The following CLNK variants were observed in gnomAD, a reference collection of about 807,000 sequenced individuals.
The protein encoded by CLNK is cytokine dependent hematopoietic cell linker.
A neutral mutation model predicts 68.6 loss-of-function variants in CLNK; 74 were observed. The ratio of observed to expected loss-of-function variants is 1.08; its 90% CI spans 0.89 to 1.31. The LOEUF (loss-of-function observed/expected upper bound fraction) is 1.31, where lower values mean the gene tolerates loss of function less well. CLNK is among the 50% of genes most tolerant of loss of function. CLNK has a pLI of 0.00. For missense variants in CLNK, 553 were observed against 515.3 expected (o/e 1.07, Z -0.71); for synonymous variants, 198 against 172.2 (o/e 1.15, Z -1.17).
At chr4:10,675,532 G>A (rs1724834730) in intron 1 of CLNK, among the ~76,000 whole-genome samples, 3 of 152,170 alleles carry the variant, frequency 2.0e-5, no homozygotes, top group Non-Finnish European at 4.4e-5. Context: ...AACTGAGCTT[G>A]CAAAGAGACA....
At chr4:10,703,906 A>C in the CLNK span, among the ~76,000 whole-genome samples, 2 of 152,318 alleles carry the variant, frequency 1.3e-5, no homozygotes, top group African/African-American at 2.4e-5. Flanking sequence ...TTGTTGACCA[A>C]AATGTCATGT....
At chr4:10,633,430 C>T (rs4697764) in intron 2 of CLNK, among the ~76,000 whole-genome samples, 48,663 of 152,108 alleles carry the variant, frequency 0.32, 8,832 homozygotes, top group African/African-American at 0.5. Context: ...ATTTATTGAA[C>T]GCTTACTCTG....
the CLNK span, among the ~76,000 whole-genome samples, chr4:10,713,396 T>C: frequency 6.6e-6 from 1 of 152,034 alleles, no homozygotes. Context: ...GGTGGATTAA[T>C]CTTAACTCCT....
chr4:10,543,941 A>G (rs1719129639), intron 8 of CLNK, among the ~76,000 whole-genome samples: 1 of 152,344 alleles, frequency 6.6e-6, no homozygotes, highest in African/African-American at 2.4e-5. Flanking sequence ...ATCTTTGACT[A>G]TTTCAAGGAA....
In CLNK at chr4:10,558,428, C is replaced by T. The variant is rs376833668; in HGVS notation, c.424G>A (p.Val142Ile). Residue 142 changes from valine to isoleucine, a missense_variant, in exon 8 of 19, where the codon GTC (valine) becomes ATC (isoleucine). Transcript: ENST00000226951. The part of the protein sequence containing the change: ...ERVDKPISKD[V>I]RSQNIKGDAS... ...TTACCTTTAATGTTTTGGCTTCTGACGTCCTTGGAAATGGGTTTGTCCACC... is the reference window on the plus strand; with the variant it reads ...TTACCTTTAATGTTTTGGCTTCTGATGTCCTTGGAAATGGGTTTGTCCACC... 1.5e-5 allele frequency: 25 copies of T among 1,613,732 alleles called. No individual in the cohort carries two copies. The African/African-American group carries it at 2.1e-4, about 14-fold the overall frequency.
chr4:10,621,734 C>G (rs1280202655), intron 2 of CLNK, among the ~76,000 whole-genome samples: 1 of 152,182 alleles, frequency 6.6e-6, no homozygotes, highest in East Asian at 1.9e-4. Flanking sequence ...AATTCACTTT[C>G]CAGGTGGGGT....
chr4:10,615,479 C>T (rs1267570512), intron 2 of CLNK, among the ~76,000 whole-genome samples: 9 of 151,276 alleles, frequency 5.9e-5, no homozygotes, highest in East Asian at 1.9e-4. Flanking sequence ...GTCGTGCCGC[C>T]GCACTCCAGC....
chr4:10,693,352 T>C, the CLNK span, among the ~76,000 whole-genome samples: 1 of 152,152 alleles, frequency 6.6e-6, no homozygotes, highest in Non-Finnish European at 1.5e-5. Context: ...GGGTAGTCCT[T>C]AGCCAAGATA....
At chr4:10,672,108 G>C (rs531311516) in intron 1 of CLNK, among the ~76,000 whole-genome samples, 1 of 152,294 alleles carries the variant, frequency 6.6e-6, no homozygotes, top group South Asian at 2.1e-4. Context: ...TAAAGTTCCT[G>C]CCTAACAATC....
chr4:10,610,223 A>T (rs1321210173), intron 2 of CLNK, among the ~76,000 whole-genome samples: 2 of 148,458 alleles, frequency 1.3e-5, no homozygotes, highest in African/African-American at 2.5e-5. Context: ...CGCCCGGCTA[A>T]TTTTTTGTAT....
chr4:10,525,360 C>T (rs576001101), intron 14 of CLNK, among the ~76,000 whole-genome samples: 15 of 152,200 alleles, frequency 9.9e-5, no homozygotes, highest in East Asian at 1.9e-4. Flanking sequence ...CCACCGCGCC[C>T]GGCCAAGCCT....
chr4:10,561,616 T>C (rs965736679), intron 7 of CLNK, among the ~76,000 whole-genome samples: 2 of 152,230 alleles, frequency 1.3e-5, no homozygotes, highest in African/African-American at 4.8e-5. Flanking sequence ...GAACTGTGTC[T>C]TCAGCCACTG....
At chr4:10,520,232 C>T (rs774099198) in intron 15 of CLNK, among the ~76,000 whole-genome samples, 8 of 152,238 alleles carry the variant, frequency 5.3e-5, no homozygotes, top group Non-Finnish European at 7.3e-5. Flanking sequence ...CTTCAGACAT[C>T]GCCGCAGATG....
At chr4:10,715,549 C>T in the CLNK span, among the ~76,000 whole-genome samples, 1 of 152,220 alleles carries the variant, frequency 6.6e-6, no homozygotes, top group African/African-American at 2.4e-5. Context: ...TAACATTCCA[C>T]AAATTTTATT....
chr4:10,606,894 G>GA (rs950149851), intron 2 of CLNK, among the ~76,000 whole-genome samples: 1 of 152,080 alleles, frequency 6.6e-6, no homozygotes, highest in Middle Eastern at 3.4e-3. Context: ...AGATACAGGA[G>GA]AAAAAAAATG....
chr4:10,643,678 T>C (rs1723402573), intron 2 of CLNK, among the ~76,000 whole-genome samples: 1 of 152,238 alleles, frequency 6.6e-6, no homozygotes, highest in Non-Finnish European at 1.5e-5. Flanking sequence ...TATCACACTT[T>C]CTAATATACC....
chr4:10,687,833 G>A (rs1408956085), upstream of CLNK, among the ~76,000 whole-genome samples: 3 of 152,108 alleles, frequency 2.0e-5, no homozygotes, highest in African/African-American at 4.8e-5. Flanking sequence ...TTCATTTTGT[G>A]TTCATTGCTT....
chr4:10,668,623 A>C (rs1724503141), intron 1 of CLNK, among the ~76,000 whole-genome samples: 1 of 152,192 alleles, frequency 6.6e-6, no homozygotes. Context: ...AATCCACAGA[A>C]GACAGTGAAG....
At chr4:10,618,351 T>G (rs545233727) in intron 2 of CLNK, among the ~76,000 whole-genome samples, 4 of 152,242 alleles carry the variant, frequency 2.6e-5, no homozygotes, top group African/African-American at 9.6e-5. Context: ...AGATTAGTAA[T>G]TGCCTGGGGA....
Sources: allele counts gnomAD v4.1 joint callset (sites outside exome capture counted in the v4.1 genomes callset), GRCh38; gene constraint gnomAD v4.1.1; transcripts MANE v1.5; gene names NCBI Gene and HGNC (gene_info 2026-07-23, HGNC 2026-07-21).